LRRK1: variants seen among roughly 807,000 people sequenced by gnomAD.
The protein encoded by LRRK1 is leucine rich repeat kinase 1.
A neutral mutation model predicts 209.1 loss-of-function variants in LRRK1; 113 were observed. The observed-to-expected ratio is 0.54, with a 90% CI of 0.46 to 0.63. The LOEUF (loss-of-function observed/expected upper bound fraction) is 0.63, where lower values mean the gene tolerates loss of function less well. Among genes scored for constraint, LRRK1 ranks in the 30% least tolerant of loss-of-function variants. The probability of loss-of-function intolerance (pLI) is 0.00; values close to 1 mark genes in which losing one functional copy is unlikely to be tolerated. For missense variants in LRRK1, 2,284 were observed against 2,632.2 expected, an observed-to-expected ratio of 0.87 and a Z score of 2.89; for synonymous variants, 1,144 against 1,099.7, an observed-to-expected ratio of 1.04 and a Z score of -0.80.
chr15:101,076,268 A>G lies in LRRK1; in HGVS notation c.*7420A>G, dbSNP rs1459001514. 6.6e-6 allele frequency: 1 copy of G among 152,118 alleles called. No homozygotes were observed. The highest frequency in any genetic ancestry group is 2.4e-5 in the African/African-American group (1 of 41,408). The allele number at this position is 152,118 out of a possible 1,614,324, so 9.4% of individuals were successfully genotyped here. Reference sequence around the variant, plus strand: ...TCAACTCACTCTCTACAGTTATCATAACTTCCAAAATCTATTTTCTTCCTC... The same window carrying G: ...TCAACTCACTCTCTACAGTTATCATGACTTCCAAAATCTATTTTCTTCCTC... On this transcript the variant is annotated 3_prime_UTR_variant, in exon 34 of 34. Coordinates refer to ENST00000388948, the MANE Select transcript of LRRK1 (RefSeq NM_024652.6).
At chr15:101,014,249 TC>T in intron 10 of LRRK1, 66 bp from the exon 11 acceptor site, 2 of 1,159,758 alleles carry the variant, frequency 1.7e-6, no homozygotes, top group Non-Finnish European at 2.5e-6. Context: ...GACTGGCTCT[TC>T]AGTCTCCCCT....
At chr15:100,974,060 T>G in intron 3 of LRRK1, 93 bp downstream of exon 3, 7 of 1,065,328 alleles carry the variant, frequency 6.6e-6, no homozygotes, top group Non-Finnish European at 8.4e-6. Context: ...GTCATAACGG[T>G]AATGGGCGTT....
chr15:100,967,735 C>G (rs1221553122), intron 2 of LRRK1, among the ~76,000 whole-genome samples: 1 of 152,186 alleles, frequency 6.6e-6, no homozygotes, highest in Non-Finnish European at 1.5e-5. Flanking sequence ...CCACTCAGAT[C>G]ACACCATTAA....
intron 2 of LRRK1, among the ~76,000 whole-genome samples, chr15:100,959,996 C>T (rs1173786694): frequency 1.3e-5 from 2 of 152,230 alleles, no homozygotes; most frequent in Non-Finnish European, 2.9e-5. Context: ...GAAGTTAAAT[C>T]CAGTTAGCAA....
In LRRK1 at chr15:101,024,327, C is replaced by G. The variant is rs2033925819; in HGVS notation, c.2068-476C>G. ...TACACAGCCGTTCCCGGCAGCCCAACAGCTCATCTTTTGTTTGATTCCCAC... is the reference window on the plus strand; with the variant it reads ...TACACAGCCGTTCCCGGCAGCCCAAGAGCTCATCTTTTGTTTGATTCCCAC... On this transcript the variant is annotated intron_variant, in intron 15 of 33. Transcript: ENST00000388948. The surrounding 1 kb of genome is among the most constrained non-coding windows in gnomAD (Gnocchi z 4.6). Among the ~76,000 whole-genome samples the G allele has an allele frequency of 6.6e-6, 1 of 152,348 alleles. No homozygotes were observed. Among genetic ancestry groups the G allele is most frequent in the East Asian group, 1.9e-4 (1 of 5,178 alleles).
At chr15:100,951,088 GTGAGACTC>G (rs2042642685) in intron 2 of LRRK1, among the ~76,000 whole-genome samples, 1 of 152,230 alleles carries the variant, frequency 6.6e-6, no homozygotes, top group Non-Finnish European at 1.5e-5. Context: ...GGGCTACAGA[GTGAGACTC>G]CGTCTCAGAA....
At chr15:101,021,805 TG>T (rs1373620023) in intron 13 of LRRK1, 39 bp from the exon 14 acceptor site, 27 of 679,610 alleles carry the variant, frequency 4.0e-5, no homozygotes, top group Admixed American at 2.0e-4. Context: ...TGTGTGTGTG[TG>T]TGTGTGTATT....
At chr15:101,064,594 A>G (rs1596357001) in intron 31 of LRRK1, 1 of 151,074 alleles carries the variant, frequency 6.6e-6, no homozygotes, top group African/African-American at 2.5e-5. Flanking sequence ...GGTGGGGGGC[A>G]CCCTGAGGAC....
chr15:101,010,613 T>C (rs769176810), intron 8 of LRRK1, 36 bp downstream of exon 8: 2 of 1,603,462 alleles, frequency 1.2e-6, no homozygotes, highest in Admixed American at 3.5e-5. Flanking sequence ...AATTAGTCAT[T>C]TTCTTCTTGG....
chr15:100,983,664 C>T lies in LRRK1; in HGVS notation c.398C>T (p.Thr133Met), dbSNP rs200045067. 3.9e-5 allele frequency: 62 copies of T among 1,608,984 alleles called. No individual in the cohort carries two copies. In the African/African-American group the frequency reaches 6.9e-4, roughly 18 times the overall value. Residue 133 changes from threonine (T) to methionine (M), a missense_variant, in exon 4 of 34, where the codon ACG becomes ATG. Physicochemically the swap from Thr to Met is moderately conservative, Grantham distance 81. Coordinates refer to ENST00000388948, the MANE Select transcript of LRRK1 (RefSeq NM_024652.6). ...GTGGTGGCAGCGTATTTTGGACACA[C>T]GGCAGTTGTGCAGGAATTGCTTGAG... ...PAVVAAYFGH[T>M]AVVQELLESL...
intron 3 of LRRK1, among the ~76,000 whole-genome samples, chr15:100,978,558 A>T (rs1408325149): frequency 6.6e-6 from 1 of 152,232 alleles, no homozygotes; most frequent in African/African-American, 2.4e-5. Flanking sequence ...CAACGTCAGA[A>T]GGGAAACACA....
chr15:101,010,825 G>A lies in LRRK1; in HGVS notation c.1269G>A (p.Trp423Ter). The stretch of plus-strand genomic sequence containing the variant: ...ACCTGAAGGTGTTTCCAGATCCCTG[G>A]GCCTGCCCTTTGGTGAGTATCACAC... ...RNNLKVFPDP[W>*]ACPLKCCKAS... Residue 423 changes from tryptophan to a stop codon, truncating the protein, a stop_gained, in exon 9 of 34, where the codon TGG becomes TGA. Transcript: ENST00000388948. LOFTEE classifies it high-confidence loss of function. 6.2e-7 allele frequency: 1 copy of A among 1,611,888 alleles called. No individual in the cohort carries two copies. The highest frequency in any genetic ancestry group is 8.5e-7 in the Non-Finnish European group (1 of 1,179,456).
At chr15:101,058,876 T>G (rs1596342870) in intron 29 of LRRK1, among the ~76,000 whole-genome samples, 2 of 149,966 alleles carry the variant, frequency 1.3e-5, no homozygotes, top group African/African-American at 2.5e-5. Flanking sequence ...TGCCGTGGGG[T>G]GGGTGGGAGG....
rs762350334 is a variant in LRRK1 at position 101,009,012 on chromosome 15, A to C, written c.938A>C (p.His313Pro). Residue 313 changes from histidine (H) to proline (P), a missense_variant, in exon 7 of 34, where the codon CAC (histidine) becomes CCC (proline). Transcript: ENST00000388948. Reference protein sequence around the residue: ...NLRKLNLSDNHLGELPGVQSS... With the variant: ...NLRKLNLSDNPLGELPGVQSS... ...CGGAAGCTGAACCTCTCCGACAACC[A>C]CCTGGGGGAGCTGCCTGGCGTGCAG... The C allele has an allele frequency of 1.2e-6, 2 of 1,613,734 alleles. No individual in the cohort carries two copies. The highest frequency in any genetic ancestry group is 1.7e-6 in the Non-Finnish European group (2 of 1,179,914).
chr15:100,950,406 T>C (rs2042622256), intron 2 of LRRK1, among the ~76,000 whole-genome samples: 2 of 152,350 alleles, frequency 1.3e-5, no homozygotes, highest in Admixed American at 6.5e-5. Context: ...AATGGTAAGA[T>C]GGCAATACTC....
intron 2 of LRRK1, among the ~76,000 whole-genome samples, chr15:100,946,754 T>G (rs1025562295): frequency 6.6e-6 from 1 of 152,226 alleles, no homozygotes; most frequent in Non-Finnish European, 1.5e-5. Context: ...GATATTTTTC[T>G]AAGCACAGCA....
chr15:100,941,128 G>A (rs867000280), intron 2 of LRRK1, among the ~76,000 whole-genome samples: 15 of 151,950 alleles, frequency 9.9e-5, no homozygotes, highest in African/African-American at 2.9e-4. Flanking sequence ...GTGTCTGTGT[G>A]TGTCTCTTTG....
At chr15:100,941,881 G>T (rs927205103) in intron 2 of LRRK1, among the ~76,000 whole-genome samples, 1 of 152,126 alleles carries the variant, frequency 6.6e-6, no homozygotes, top group African/African-American at 2.4e-5. Flanking sequence ...ACAGGAGTCT[G>T]CCCACTATGG....
At chr15:101,067,403 G>A (rs972363936) in intron 33 of LRRK1, 4 of 422,114 alleles carry the variant, frequency 9.5e-6, no homozygotes, top group South Asian at 3.4e-5. Context: ...TCTCCCCTAC[G>A]AAAAGTCCTC....
Sources: allele counts gnomAD v4.1 joint callset (sites outside exome capture counted in the v4.1 genomes callset), GRCh38; gene constraint gnomAD v4.1.1; non-coding constraint Gnocchi (gnomAD v3.1); transcripts MANE v1.5; gene names NCBI Gene and HGNC (gene_info 2026-07-23, HGNC 2026-07-21).